TMEM236: variants seen among roughly 807,000 people sequenced by gnomAD.
The protein encoded by TMEM236 is family with sequence similarity 23, member A.
Under a neutral mutation model 14.7 loss-of-function variants are expected in TMEM236, and 11 were observed. The observed-to-expected ratio is 0.75, with a 90% CI of 0.47 to 1.24. The LOEUF (loss-of-function observed/expected upper bound fraction) is 1.24, where lower values mean the gene tolerates loss of function less well. TMEM236 is among the 50% of genes most tolerant of loss of function. The probability of loss-of-function intolerance (pLI) is 0.00; values close to 1 mark genes in which losing one functional copy is unlikely to be tolerated. For synonymous variants in TMEM236, 182 were observed against 168.6 expected (o/e 1.08, Z -0.62); for missense variants, 464 against 427.3 (o/e 1.09, Z -0.76).
At chr10:17,758,296 T>C (rs928742650) in intron 1 of TMEM236, among the ~76,000 whole-genome samples, 5 of 151,874 alleles carry the variant, frequency 3.3e-5, no homozygotes, top group African/African-American at 1.2e-4. Flanking sequence ...CATTCATGAT[T>C]TGATGTTGAT....
In TMEM236 at chr10:17,759,294, A is replaced by C. The variant is rs1393248293; in HGVS notation, c.257+6742A>C. ...CTGAAACTGGAGCAGATCTTCATTG[A>C]GAAGGTACATTGGCAGTAGGATAAT... On this transcript the variant is annotated intron_variant, in intron 1 of 3. Coordinates refer to ENST00000377495, the MANE Select transcript of TMEM236 (RefSeq NM_001098844.3). Among the ~76,000 whole-genome samples the C allele has an allele frequency of 2.6e-5, 4 of 152,216 alleles. No individual in the cohort carries two copies. The East Asian group carries it at 7.7e-4, about 29-fold the overall frequency.
intron 1 of TMEM236, among the ~76,000 whole-genome samples, chr10:17,764,714 A>G (rs948751360): frequency 2.3e-4 from 35 of 151,970 alleles, no homozygotes; most frequent in Non-Finnish European, 4.7e-4. Flanking sequence ...GTTGCTGGCA[A>G]TCTTTGGTGT....
chr10:17,792,442 A>G (rs946555928), intron 3 of TMEM236, among the ~76,000 whole-genome samples: 1 of 152,226 alleles, frequency 6.6e-6, no homozygotes, highest in Admixed American at 6.5e-5. Flanking sequence ...AGAGAAATGA[A>G]CACTCTAGAA....
intron 3 of TMEM236, among the ~76,000 whole-genome samples, chr10:17,787,999 C>T (rs1837866253): frequency 6.6e-6 from 1 of 151,950 alleles, no homozygotes; most frequent in Non-Finnish European, 1.5e-5. Flanking sequence ...AATGAGATAA[C>T]TATATGCACC....
At chr10:17,782,347 G>T (rs1279730244) in intron 3 of TMEM236, among the ~76,000 whole-genome samples, 16 of 152,060 alleles carry the variant, frequency 1.1e-4, no homozygotes, top group African/African-American at 3.4e-4. Context: ...TTTGTTACTG[G>T]ATAGCATCTT....
chr10:17,777,257 G>T (rs1327224087), intron 3 of TMEM236, among the ~76,000 whole-genome samples: 3 of 152,072 alleles, frequency 2.0e-5, no homozygotes, highest in African/African-American at 4.8e-5. Context: ...GGGAGATGAC[G>T]GTCTGTTATG....
intron 1 of TMEM236, among the ~76,000 whole-genome samples, chr10:17,755,401 G>A (rs1279553531): frequency 6.6e-6 from 1 of 152,188 alleles, no homozygotes; most frequent in African/African-American, 2.4e-5. Context: ...GGATGCTGAT[G>A]GAGAGCTGAC....
At position 17,796,329 on chromosome 10, in the gene TMEM236, T is replaced by C; in HGVS notation, c.881T>C (p.Val294Ala). ...AACCCTCTTCTCAATTCCCTGAGCG[T>C]CCTGCTGCAAGATTTACCATTCGTT... ...PQNPLLNSLS[V>A]LLQDLPFVFV... The change falls in exon 4 of 4, where the codon GTC (valine) becomes GCC (alanine). Residue 294 changes from valine (V) to alanine (A), a missense_variant. Coordinates refer to ENST00000377495, the MANE Select transcript of TMEM236 (RefSeq NM_001098844.3). The C allele has an allele frequency of 6.2e-7, 1 of 1,613,984 alleles. No homozygotes were observed. Among genetic ancestry groups the C allele is most frequent in the Non-Finnish European group, 8.5e-7 (1 of 1,179,866 alleles).
rs781843800 is a variant in TMEM236 at position 17,771,397 on chromosome 10, T to TTTC, written c.330+21_330+23dup. 48 of 1,609,352 alleles carry TTTC rather than the reference T, an allele frequency of 3.0e-5. No homozygotes were observed. In the African/African-American group the frequency reaches 5.6e-4, roughly 19 times the overall value. On this transcript the variant is annotated intron_variant, in intron 2 of 3. Coordinates refer to ENST00000377495, the MANE Select transcript of TMEM236 (RefSeq NM_001098844.3). ...AGTGACTGAGGTATGGAATTTTTGA[T>TTTC]TTCTTCTGCTACAAGATTATGAGAT...
intron 3 of TMEM236, among the ~76,000 whole-genome samples, chr10:17,784,516 A>G (rs1554835592): frequency 6.6e-6 from 1 of 152,156 alleles, no homozygotes; most frequent in African/African-American, 2.4e-5. Flanking sequence ...TTATATCTCT[A>G]ATTAAGAGCA....
chr10:17,755,539 G>T (rs1837273234), intron 1 of TMEM236, among the ~76,000 whole-genome samples: 1 of 152,186 alleles, frequency 6.6e-6, no homozygotes, highest in Non-Finnish European at 1.5e-5. Context: ...AAAGCATTAT[G>T]TTGTTGGCAC....
rs1838027474 is a variant in TMEM236, at chr10:17,796,997, C to T, written c.*493C>T. 1.2e-5 allele frequency: 2 copies of T among 168,186 alleles called. No individual in the cohort carries two copies. The highest frequency in any genetic ancestry group is 4.8e-5 in the African/African-American group (2 of 41,492). The allele number at this position is 168,186 out of a possible 1,614,324, so 10.4% of individuals were successfully genotyped here. On this transcript the variant is annotated 3_prime_UTR_variant, in exon 4 of 4. Transcript: ENST00000377495. The stretch of plus-strand genomic sequence containing the variant: ...TTAAGAAAATCTAATACCTGATGAT[C>T]TGAGGTGGGACAGTTTCATCCCAGA...
rs1024564331 is a variant in TMEM236 at position 17,781,316 on chromosome 10, G to A, written c.472+5146G>A. ...TTCTTAACTCCTATATCAAAATTAA[G>A]CTTGGTTGGATTTCACACCTTGAAT... On this transcript the variant is annotated intron_variant, in intron 3 of 3. Transcript: ENST00000377495. 3.8e-3 allele frequency among the ~76,000 whole-genome samples: 572 copies of A among 152,290 alleles called. 1 individual carries two copies. Among genetic ancestry groups the A allele is most frequent in the African/African-American group, 0.013 (539 of 41,558 alleles).
chr10:17,777,775 G>T (rs977361709), intron 3 of TMEM236, among the ~76,000 whole-genome samples: 28 of 151,354 alleles, frequency 1.8e-4, no homozygotes, highest in African/African-American at 6.9e-4. Flanking sequence ...TTTTGAGACG[G>T]AGTCTTGCTC....
chr10:17,774,661 A>G (rs1837629223), intron 2 of TMEM236, among the ~76,000 whole-genome samples: 1 of 152,148 alleles, frequency 6.6e-6, no homozygotes, highest in Non-Finnish European at 1.5e-5. Flanking sequence ...TTCTTCCAGA[A>G]TTTCCTGCCT....
chr10:17,791,239 A>G, intron 3 of TMEM236, among the ~76,000 whole-genome samples: 1 of 151,432 alleles, frequency 6.6e-6, no homozygotes, highest in Admixed American at 6.6e-5. Context: ...GGGTCCAGGA[A>G]TTTGAGACCA....
chr10:17,759,844 G>A (rs891800926), intron 1 of TMEM236, among the ~76,000 whole-genome samples: 2 of 151,962 alleles, frequency 1.3e-5, no homozygotes, highest in Non-Finnish European at 2.9e-5. Context: ...AGCCGGGCGT[G>A]GTGGTGGACG....
intron 3 of TMEM236, among the ~76,000 whole-genome samples, chr10:17,786,267 C>T (rs1311766611): frequency 1.3e-5 from 2 of 152,148 alleles, no homozygotes; most frequent in African/African-American, 4.8e-5. Flanking sequence ...ACCAGTTTGA[C>T]ATTAAAGGCA....
rs549227661 is a variant in TMEM236, at chr10:17,771,480, C to T, written c.330+99C>T. 1,428 of 1,144,340 alleles carry T rather than the reference C, an allele frequency of 1.2e-3. 22 individuals are homozygous for T. The African/African-American group carries it at 0.02, about 16-fold the overall frequency. 70.9% of individuals were successfully genotyped at this position (1,144,340 alleles called of 1,614,324 possible). A position where few individuals can be genotyped will look rare whatever the true frequency, so the allele number is the denominator to read the frequency against. Reference sequence around the variant, plus strand: ...GCAGCGTGCTCAACAAATTTCTTGACATCTATGTAATCCAATCTTCTTCCA... The same window carrying T: ...GCAGCGTGCTCAACAAATTTCTTGATATCTATGTAATCCAATCTTCTTCCA... On this transcript the variant is annotated intron_variant, in intron 2 of 3. Coordinates refer to ENST00000377495, the MANE Select transcript of TMEM236 (RefSeq NM_001098844.3).
Sources: gnomAD v4.1 joint callset for allele counts (sites outside exome capture counted in the v4.1 genomes callset) on GRCh38, gnomAD v4.1.1 for gene constraint, MANE v1.5 for transcripts, NCBI Gene and HGNC (gene_info 2026-07-23, HGNC 2026-07-21) for gene names.